ORC4: variants seen among roughly 807,000 people sequenced by gnomAD.
The protein encoded by ORC4 is origin recognition complex subunit 4, also known as origin recognition complex, subunit 4 homolog.
Under a neutral mutation model 63.9 loss-of-function variants are expected in ORC4, and 55 were observed. The observed-to-expected ratio is 0.86, with a 90% confidence interval of 0.69 to 1.08. The LOEUF (loss-of-function observed/expected upper bound fraction) is 1.08. ORC4 is among the 50% of genes least tolerant of loss of function. The pLI is 0.00. For synonymous variants in ORC4, 150 were observed against 168.5 expected (o/e 0.89, Z 0.85); for missense variants, 511 against 504.4 (o/e 1.01, Z -0.13).
chr2:147,968,559 G>C (rs997568018), intron 4 of ORC4, among the ~76,000 whole-genome samples: 11 of 152,086 alleles, frequency 7.2e-5, no homozygotes, highest in African/African-American at 2.4e-4. Flanking sequence ...AATCATCAGG[G>C]AAATGCAAAT....
chr2:147,962,648 C>T (rs1313451577), intron 4 of ORC4, among the ~76,000 whole-genome samples: 2 of 152,166 alleles, frequency 1.3e-5, no homozygotes, highest in African/African-American at 4.8e-5. Context: ...CCAGGGCAAA[C>T]TCTCACTTGA....
At chr2:147,973,889 C>T (rs1690371589) in intron 2 of ORC4, among the ~76,000 whole-genome samples, 2 of 152,106 alleles carry the variant, frequency 1.3e-5, no homozygotes, top group Non-Finnish European at 2.9e-5. Context: ...AGGCCTTAGA[C>T]TTAGTCATGA....
intron 1 of ORC4, among the ~76,000 whole-genome samples, chr2:148,019,046 G>C (rs1693495201): frequency 7.1e-6 from 1 of 140,280 alleles, no homozygotes; most frequent in Admixed American, 7.3e-5. Flanking sequence ...TAACTGCCTT[G>C]CTGGTATTTT....
At chr2:147,949,630 A>G (rs1419936362) in intron 8 of ORC4, among the ~76,000 whole-genome samples, 1 of 152,206 alleles carries the variant, frequency 6.6e-6, no homozygotes. Flanking sequence ...TACAGCTAAT[A>G]TAACAATTAT....
At chr2:148,004,603 C>T (rs929287249) in intron 1 of ORC4, among the ~76,000 whole-genome samples, 4 of 152,066 alleles carry the variant, frequency 2.6e-5, no homozygotes, top group Non-Finnish European at 4.4e-5. Context: ...CTTCCTTACA[C>T]CTTATACAAA....
At chr2:147,967,460 A>G (rs1689958022) in intron 4 of ORC4, among the ~76,000 whole-genome samples, 1 of 152,006 alleles carries the variant, frequency 6.6e-6, no homozygotes. Context: ...TACAAAATCA[A>G]TATACAATAA....
chr2:147,936,539 T>C (rs990705872), intron 13 of ORC4: 1 of 152,210 alleles, frequency 6.6e-6, no homozygotes, highest in Non-Finnish European at 1.5e-5. Flanking sequence ...CTGGAACATA[T>C]TCTCTATGTA....
intron 1 of ORC4, among the ~76,000 whole-genome samples, chr2:148,018,403 T>G (rs1053517366): frequency 1.3e-5 from 2 of 152,196 alleles, no homozygotes; most frequent in African/African-American, 4.8e-5. Flanking sequence ...ACTAGTGAAG[T>G]TGAAGATAAA....
intron 8 of ORC4, among the ~76,000 whole-genome samples, chr2:147,952,013 T>G (rs1022146535): frequency 1.3e-5 from 2 of 152,208 alleles, no homozygotes; most frequent in Admixed American, 1.3e-4. Flanking sequence ...ATTTCAAGCC[T>G]TTTCAAAATA....
In ORC4 at chr2:147,930,697, G is replaced by A. The variant is rs914658204; in HGVS notation, c.*4813C>T. ...ATCGTACTTGCTATTTTTTCTGCAA[G>A]TATTTAACAGAAAGCTTAAAATCCC... On this transcript the variant is annotated 3_prime_UTR_variant, in exon 14 of 14. Coordinates refer to ENST00000392857, the MANE Select transcript of ORC4 (RefSeq NM_181741.4). The A allele has an allele frequency of 6.6e-6, 1 of 152,342 alleles. No individual in the cohort carries two copies. Among genetic ancestry groups the A allele is most frequent in the Non-Finnish European group, 1.5e-5 (1 of 67,962 alleles). 9.4% of individuals were successfully genotyped at this position (152,342 alleles called of 1,614,324 possible).
intron 1 of ORC4, among the ~76,000 whole-genome samples, chr2:147,992,197 G>A (rs1427784984): frequency 1.3e-5 from 2 of 152,200 alleles, no homozygotes; most frequent in Non-Finnish European, 2.9e-5. Context: ...GTGAATCCAA[G>A]CTAATGTGTT....
intron 1 of ORC4, among the ~76,000 whole-genome samples, chr2:147,991,015 C>A (rs1483171551): frequency 6.6e-6 from 1 of 151,566 alleles, no homozygotes; most frequent in Non-Finnish European, 1.5e-5. Flanking sequence ...CATATATATA[C>A]ACACATATGA....
At chr2:147,990,085 C>T (rs1459765772) in intron 1 of ORC4, among the ~76,000 whole-genome samples, 1 of 152,132 alleles carries the variant, frequency 6.6e-6, no homozygotes, top group African/African-American at 2.4e-5. Context: ...CTACCCCACT[C>T]CCTTTATTAG....
chr2:147,943,396 AAAAC>A (rs563645160), intron 10 of ORC4, 36 bp downstream of exon 10: 15 of 1,371,946 alleles, frequency 1.1e-5, no homozygotes, highest in Admixed American at 5.1e-5. Flanking sequence ...ATTAAAAACA[AAAAC>A]AAAGCAACAA....
intron 10 of ORC4, among the ~76,000 whole-genome samples, chr2:147,942,509 G>A (rs192949917): frequency 2.0e-5 from 3 of 152,096 alleles, no homozygotes; most frequent in East Asian, 1.9e-4. Context: ...ATGGTCATGC[G>A]AAACGATCGA....
Position 147,931,269 on chromosome 2 carries a change from G to GGGTT in ORC4, c.*4237_*4240dup, listed in dbSNP as rs1687718293. On this transcript the variant is annotated 3_prime_UTR_variant, in exon 14 of 14. Coordinates refer to ENST00000392857, the MANE Select transcript of ORC4 (RefSeq NM_181741.4). ...TCCAGTCTATCATTGTTGGACATTT[G>GGGTT]GGTTGGTTCCAAGTCTTTGCTATTG... The GGGTT allele has an allele frequency of 6.6e-6, 1 of 151,348 alleles. No individual in the cohort carries two copies. The highest frequency in any genetic ancestry group is 2.4e-5 in the African/African-American group (1 of 41,104). The allele number at this position is 151,348 out of a possible 1,614,324, so 9.4% of individuals were successfully genotyped here. A position where few individuals can be genotyped will look rare whatever the true frequency, so the allele number is the denominator to read the frequency against.
intron 1 of ORC4, among the ~76,000 whole-genome samples, chr2:147,999,852 CAGAA>C (rs1692192554): frequency 6.6e-6 from 1 of 151,720 alleles, no homozygotes; most frequent in Admixed American, 6.6e-5. Context: ...AACATATTAA[CAGAA>C]AGAATAATTT....
chr2:148,003,971 A>C (rs1375420700), intron 1 of ORC4, among the ~76,000 whole-genome samples: 1 of 152,188 alleles, frequency 6.6e-6, no homozygotes, highest in Admixed American at 6.5e-5. Flanking sequence ...AATAATAGAC[A>C]AACAGAGAGC....
At chr2:147,972,654 T>C (rs2105349104) in intron 4 of ORC4, 85 bp downstream of exon 4, 2 of 672,604 alleles carry the variant, frequency 3.0e-6, no homozygotes. Context: ...TTACATAAAA[T>C]AAGATTTATA....
Sources: gnomAD v4.1 joint callset for allele counts (sites outside exome capture counted in the v4.1 genomes callset) on GRCh38, gnomAD v4.1.1 for gene constraint, MANE v1.5 for transcripts, NCBI Gene and HGNC (gene_info 2026-07-23, HGNC 2026-07-21) for gene names.